Variants in GPR149 observed in about 807,000 individuals in gnomAD.
GPR149 encodes the protein probable G protein-coupled receptor 149.
Under a neutral mutation model 50.2 loss-of-function variants are expected in GPR149, and 50 were observed. The ratio of observed to expected loss-of-function variants is 1.00; its 90% CI spans 0.79 to 1.26. The LOEUF (loss-of-function observed/expected upper bound fraction) is 1.26, where lower values mean the gene tolerates loss of function less well. Among genes scored for constraint, GPR149 ranks in the 50% most tolerant of loss-of-function variants. GPR149 has a pLI of 0.00. For missense variants in GPR149, 983 were observed against 895.4 expected (o/e 1.10, Z -1.25); for synonymous variants, 405 against 358.2 (o/e 1.13, Z -1.48).
chr3:154,372,143 TGAGAG>T (rs900915743), intron 3 of GPR149, among the ~76,000 whole-genome samples: 8 of 152,174 alleles, frequency 5.3e-5, no homozygotes, highest in African/African-American at 1.7e-4. Context: ...GAGGGGAGAC[TGAGAG>T]GAGGTTCCAG....
intron 3 of GPR149, among the ~76,000 whole-genome samples, chr3:154,392,090 AATAAT>A (rs934544796): frequency 2.0e-5 from 3 of 151,894 alleles, no homozygotes; most frequent in South Asian, 4.1e-4. Context: ...TCTCACTTTT[AATAAT>A]ATAACATTTG....
chr3:154,386,872 A>G (rs1410361525), intron 3 of GPR149, among the ~76,000 whole-genome samples: 3 of 152,178 alleles, frequency 2.0e-5, no homozygotes, highest in Non-Finnish European at 4.4e-5. Flanking sequence ...AAGAGCCAAT[A>G]TTTTAAAAAT....
rs550508733 is a variant in GPR149 at position 154,363,291 on chromosome 3, A to T, written c.1624-25020T>A. 8.7e-5 allele frequency among the ~76,000 whole-genome samples: 10 copies of T among 115,406 alleles called. No individual in the cohort carries two copies. The South Asian group carries it at 2.8e-3, about 32-fold the overall frequency. 75.7% of individuals were successfully genotyped at this position (115,406 alleles called of 152,430 possible). A position where few individuals can be genotyped will look rare whatever the true frequency, so the allele number is the denominator to read the frequency against. ...GTAGATCAGAGGGTTGTCTCAGTAC[A>T]CTTTTGCTGCTATAACAAAATACTA... is the stretch of plus-strand genomic sequence containing the variant. On this transcript the variant is annotated intron_variant, in intron 3 of 3. Transcript: ENST00000389740.
chr3:154,398,269 C>T (rs1214426128), intron 3 of GPR149, among the ~76,000 whole-genome samples: 2 of 152,136 alleles, frequency 1.3e-5, no homozygotes, highest in African/African-American at 4.8e-5. Flanking sequence ...CTGCTAAGTA[C>T]TACACAAATA....
Position 154,370,226 on chromosome 3 carries a change from G to A in GPR149, c.1624-31955C>T, listed in dbSNP as rs75539893. On this transcript the variant is annotated intron_variant, in intron 3 of 3. Transcript: ENST00000389740. ...AAATTTATCACCCAATCAGTGTCTG[G>A]CATAGTCTGCTTTAGGCCCAGAACA... Among the ~76,000 whole-genome samples, 531 of 152,204 alleles carry A rather than the reference G, an allele frequency of 3.5e-3. 16 individuals carry two copies. The East Asian group carries it at 0.077, about 22-fold the overall frequency.
intron 3 of GPR149, among the ~76,000 whole-genome samples, chr3:154,341,292 CATATAT>C (rs373212063): frequency 0.018 from 1,306 of 72,560 alleles, 19 homozygotes; most frequent in Non-Finnish European, 0.021. Context: ...AAAAATAAGA[CATATAT>C]ATATATATAT....
intron 3 of GPR149, among the ~76,000 whole-genome samples, chr3:154,391,198 T>A (rs1036154264): frequency 5.9e-5 from 9 of 151,786 alleles, no homozygotes; most frequent in African/African-American, 2.2e-4. Context: ...AAACTTTTAA[T>A]CATAATATAA....
intron 3 of GPR149, among the ~76,000 whole-genome samples, chr3:154,381,146 A>G (rs764418559): frequency 5.3e-5 from 8 of 152,240 alleles, no homozygotes; most frequent in Non-Finnish European, 1.0e-4. Context: ...GCATGCCATC[A>G]TGATGGATGC....
In GPR149 at chr3:154,337,850, T is replaced by A; in HGVS notation, c.2045A>T (p.Asp682Val). Residue 682 changes from aspartate to valine, a missense_variant, in exon 4 of 4, where the codon GAT becomes GTT. Physicochemically the swap from Asp to Val is radical, Grantham distance 152. Coordinates refer to ENST00000389740, the MANE Select transcript of GPR149 (RefSeq NM_001038705.3). ...TGGAATGGAGATATTAATATCACCA[T>A]CAGGATTACTGGTGGGCAAAAAGAG... ...YSLFLPTSNP[D>V]GDINISIPDT... 6.2e-7 allele frequency: 1 copy of A among 1,614,078 alleles called. No individual in the cohort carries two copies. Among genetic ancestry groups the A allele is most frequent in the Non-Finnish European group, 8.5e-7 (1 of 1,179,970 alleles).
intron 3 of GPR149, among the ~76,000 whole-genome samples, chr3:154,363,104 G>A (rs968447237): frequency 1.2e-4 from 18 of 152,316 alleles, no homozygotes; most frequent in African/African-American, 4.3e-4. Context: ...AATAGTTCAA[G>A]GGGAGGTTGA....
At position 154,427,662 on chromosome 3, in the gene GPR149, A is replaced by G. The variant is rs747837516; in HGVS notation, c.1028T>C (p.Leu343Ser). The G allele has an allele frequency of 6.2e-7, 1 of 1,614,158 alleles. No individual in the cohort carries two copies. Among genetic ancestry groups the G allele is most frequent in the Admixed American group, 1.7e-5 (1 of 60,022 alleles). Residue 343 changes from leucine to serine, a missense_variant, in exon 2 of 4, where the codon TTG becomes TCG. Transcript: ENST00000389740. ...QNVVGFQSLP[L>S]ETFSFLLTLL... ...GGTAAGTAGAAAGCTGAATGTCTCC[A>G]AGGGAAGGCTCTGAAACCCCACGAC...
At chr3:154,410,022 C>T (rs902298235) in intron 3 of GPR149, among the ~76,000 whole-genome samples, 17 of 152,116 alleles carry the variant, frequency 1.1e-4, no homozygotes, top group African/African-American at 3.9e-4. Flanking sequence ...ATAAGATTAA[C>T]AGCAGATTTC....
At chr3:154,363,487 C>T (rs1267599636) in intron 3 of GPR149, among the ~76,000 whole-genome samples, 1 of 152,020 alleles carries the variant, frequency 6.6e-6, no homozygotes, top group Non-Finnish European at 1.5e-5. Context: ...ACTGTGTCCT[C>T]TCATAGCAAA....
At chr3:154,411,714 GC>G (rs1711838441) in intron 3 of GPR149, among the ~76,000 whole-genome samples, 1 of 151,712 alleles carries the variant, frequency 6.6e-6, no homozygotes, top group Non-Finnish European at 1.5e-5. Context: ...TTAAAAATTT[GC>G]CAACCAAAAA....
chr3:154,353,337 A>G (rs1283440826), intron 3 of GPR149: 14 of 1,431,784 alleles, frequency 9.8e-6, no homozygotes, highest in Non-Finnish European at 1.4e-5. Context: ...AACTTTGTAT[A>G]CCCACTGTGG....
chr3:154,344,935 A>G (rs1167459201), intron 3 of GPR149, among the ~76,000 whole-genome samples: 1 of 152,238 alleles, frequency 6.6e-6, no homozygotes, highest in African/African-American at 2.4e-5. Context: ...AAACAGTACA[A>G]AAATACATTT....
At chr3:154,353,476 C>T in intron 3 of GPR149, 1 of 914,686 alleles carries the variant, frequency 1.1e-6, no homozygotes, top group African/African-American at 1.6e-5. Context: ...TCAAGCACAA[C>T]ATGGCACAGT....
chr3:154,429,024 A>G lies in GPR149; in HGVS notation c.592T>C (p.Tyr198His), dbSNP rs1712400035. 6.2e-7 allele frequency: 1 copy of G among 1,614,078 alleles called. No homozygotes were observed. Among genetic ancestry groups the G allele is most frequent in the Admixed American group, 1.7e-5 (1 of 60,028 alleles). Residue 198 changes from tyrosine (Y) to histidine (H), a missense_variant, in exon 1 of 4, where the codon TAC (tyrosine) becomes CAC (histidine). Coordinates refer to ENST00000389740, the MANE Select transcript of GPR149 (RefSeq NM_001038705.3). ...ACGAGGAGTCCGAAGGCCAAAGCGT[A>G]CACGATAGAGAGGAATAGTACGTAG... ...SSYVLFLSIV[Y>H]ALAFGLLVGL...
At chr3:154,402,159 C>T (rs1711564077) in intron 3 of GPR149, among the ~76,000 whole-genome samples, 1 of 152,158 alleles carries the variant, frequency 6.6e-6, no homozygotes, top group Non-Finnish European at 1.5e-5. Flanking sequence ...AATAATTATA[C>T]TGAAAGTTAC....
Sources: allele counts gnomAD v4.1 joint callset (sites outside exome capture counted in the v4.1 genomes callset), GRCh38; gene constraint gnomAD v4.1.1; transcripts MANE v1.5; gene names NCBI Gene and HGNC (gene_info 2026-07-23, HGNC 2026-07-21).